GNG5: variants seen among roughly 807,000 people sequenced by gnomAD.
The protein encoded by GNG5 is guanine nucleotide-binding protein G(I)/G(S)/G(O) subunit gamma-5.
A neutral mutation model predicts 6.2 loss-of-function variants in GNG5; 2 were observed. The observed-to-expected ratio is 0.32, with a 90% CI of 0.13 to 1.01. GNG5 has a LOEUF of 1.01. GNG5 is among the 50% of genes least tolerant of loss of function. GNG5 has a pLI of 0.48. For missense variants in GNG5, 57 were observed against 80.2 expected, an observed-to-expected ratio of 0.71 and a Z score of 1.10; for synonymous variants, 24 against 33.0, an observed-to-expected ratio of 0.73 and a Z score of 0.93.
At chr1:84,505,060 T>C (rs1682144462) in intron 2 of GNG5, among the ~76,000 whole-genome samples, 1 of 152,212 alleles carries the variant, frequency 6.6e-6, no homozygotes. Flanking sequence ...CTGGCTGCTT[T>C]TAACAGGGCA....
intron 2 of GNG5, among the ~76,000 whole-genome samples, chr1:84,503,349 C>T (rs183966061): frequency 6.6e-6 from 1 of 152,308 alleles, no homozygotes; most frequent in African/African-American, 2.4e-5. Flanking sequence ...ACCAAGAACC[C>T]CTGCAGATTA....
At chr1:84,502,130 CTCTT>C (rs1243654979) in intron 2 of GNG5, among the ~76,000 whole-genome samples, 160 bp from the exon 3 acceptor site, 5 of 142,786 alleles carry the variant, frequency 3.5e-5, no homozygotes, top group South Asian at 4.3e-4. Flanking sequence ...AAATAGTGAG[CTCTT>C]TTTTTTTTTT....
intron 3 of GNG5, among the ~76,000 whole-genome samples, chr1:84,499,850 T>G (rs892963743): frequency 1.1e-4 from 16 of 152,152 alleles, no homozygotes; most frequent in African/African-American, 3.6e-4. Context: ...GCACGGTGGC[T>G]CACGCCTGTA....
At chr1:84,505,837 C>A (rs370695071) in intron 2 of GNG5, among the ~76,000 whole-genome samples, 174 bp downstream of exon 2, 3 of 152,328 alleles carry the variant, frequency 2.0e-5, no homozygotes, top group South Asian at 4.1e-4. Flanking sequence ...CAGCGTAGAC[C>A]CACGCGGCGC....
intron 3 of GNG5, among the ~76,000 whole-genome samples, chr1:84,499,660 G>A (rs977281161): frequency 3.9e-5 from 6 of 152,184 alleles, no homozygotes; most frequent in East Asian, 1.9e-4. Context: ...GAAAAACGGC[G>A]AATACTGTCA....
intron 2 of GNG5, 32 bp downstream of exon 2, chr1:84,505,959 CCCACCCGCCGCCGCCGCCTT>C: frequency 1.7e-6 from 2 of 1,196,614 alleles, no homozygotes; most frequent in Non-Finnish European, 2.3e-6. Flanking sequence ...GCCGCCGGAT[CCCACCCGCCGCCGCCGCCTT>C]CCTCCCGCCT....
intron 1 of GNG5, 60 bp downstream of exon 1, chr1:84,506,376 C>G (rs6701280): frequency 0.15 from 45,194 of 297,658 alleles, 5,448 homozygotes; most frequent in African/African-American, 0.41. Context: ...CGACCCGACT[C>G]TTAAGTTTTC....
chr1:84,499,339 A>G lies in GNG5; in HGVS notation c.*20-791T>C, dbSNP rs150438664. 2.0e-5 allele frequency among the ~76,000 whole-genome samples: 3 copies of G among 152,338 alleles called. No homozygotes were observed. In the East Asian group the frequency reaches 5.8e-4, roughly 29 times the overall value. The stretch of plus-strand genomic sequence containing the variant: ...ACCTAAAATAGTGACAGAAAAGACT[A>G]AGGTTTGTTAGGACTCAAGGAAAAA... On this transcript the variant is annotated intron_variant, in intron 3 of 3. Transcript: ENST00000370645.
intron 3 of GNG5, among the ~76,000 whole-genome samples, chr1:84,501,414 G>A (rs1249579904): frequency 2.0e-5 from 3 of 152,082 alleles, no homozygotes; most frequent in African/African-American, 7.2e-5. Flanking sequence ...AAATCAGTTG[G>A]TAGTACTTTA....
At chr1:84,500,056 C>T (rs897677997) in intron 3 of GNG5, among the ~76,000 whole-genome samples, 1 of 152,178 alleles carries the variant, frequency 6.6e-6, no homozygotes, top group Non-Finnish European at 1.5e-5. Context: ...TGCGCCACTG[C>T]ACTCCAGTGA....
rs927105867 is a variant in GNG5 at position 84,506,171 on chromosome 1, G to A, written c.-80C>T. ...CGGCGGGGCCAGACAACTCAGCGGC[G>A]CGCGGCGGGGGCGGGGCTCCGAACT... On this transcript the variant is annotated 5_prime_UTR_variant, in exon 2 of 4. Coordinates refer to ENST00000370645, the MANE Select transcript of GNG5 (RefSeq NM_005274.3). 37 of 1,161,690 alleles carry A rather than the reference G, an allele frequency of 3.2e-5. No individual in the cohort carries two copies. The African/African-American group carries it at 5.5e-4, about 17-fold the overall frequency. 72.0% of individuals were successfully genotyped at this position (1,161,690 alleles called of 1,614,324 possible).
chr1:84,504,743 C>CT (rs56049713), intron 2 of GNG5, among the ~76,000 whole-genome samples: 27,428 of 152,106 alleles, frequency 0.18, 2,546 homozygotes, highest in South Asian at 0.31. Context: ...ATTTCAAGGA[C>CT]TGGACGTGAG....
At chr1:84,503,379 ATAAT>A (rs1682097207) in intron 2 of GNG5, among the ~76,000 whole-genome samples, 1 of 152,236 alleles carries the variant, frequency 6.6e-6, no homozygotes, top group African/African-American at 2.4e-5. Context: ...CTCCAACCTA[ATAAT>A]TCTTCATCCT....
At position 84,503,228 on chromosome 1, in the gene GNG5, C is replaced by T. The variant is rs115444359; in HGVS notation, c.82-1258G>A. ...AGATTTAAAAAGTGGGAGAAATACT[C>T]ATTTATTTTATTCTCAGTCTTTATC... is the stretch of plus-strand genomic sequence containing the variant. On this transcript the variant is annotated intron_variant, in intron 2 of 3. Coordinates refer to ENST00000370645, the MANE Select transcript of GNG5 (RefSeq NM_005274.3). Among the ~76,000 whole-genome samples the T allele has an allele frequency of 8.5e-3, 1,293 of 152,308 alleles. 12 individuals carry two copies. Among genetic ancestry groups the T allele is most frequent in the Non-Finnish European group, 0.015 (1,036 of 68,018 alleles).
At chr1:84,501,710 C>T in intron 3 of GNG5, 116 bp downstream of exon 3, 1 of 637,486 alleles carries the variant, frequency 1.6e-6, no homozygotes, top group Non-Finnish European at 2.8e-6. Context: ...CAGAAAAATA[C>T]TGGAAATGGA....
At chr1:84,502,132 CTT>C (rs140132840) in intron 2 of GNG5, among the ~76,000 whole-genome samples, 162 bp from the exon 3 acceptor site, 297 of 102,044 alleles carry the variant, frequency 2.9e-3, no homozygotes, top group Middle Eastern at 0.014. Flanking sequence ...ATAGTGAGCT[CTT>C]TTTTTTTTTT....
intron 2 of GNG5, among the ~76,000 whole-genome samples, chr1:84,502,544 A>T (rs570684327): frequency 6.6e-6 from 1 of 152,308 alleles, no homozygotes; most frequent in South Asian, 2.1e-4. Flanking sequence ...CAAACAGTAG[A>T]ATTATGTTGA....
At chr1:84,499,910 G>A (rs998156675) in intron 3 of GNG5, among the ~76,000 whole-genome samples, 5 of 152,198 alleles carry the variant, frequency 3.3e-5, no homozygotes, top group African/African-American at 4.8e-5. Flanking sequence ...GAGGTCAGGC[G>A]TTCGAGAAAC....
chr1:84,505,934 G>C, intron 2 of GNG5, 77 bp downstream of exon 2: 17 of 886,706 alleles, frequency 1.9e-5, no homozygotes, highest in Non-Finnish European at 9.4e-6. Flanking sequence ...TGTCCCGCCC[G>C]CCCCCGCCAG....
Sources: allele counts gnomAD v4.1 joint callset (sites outside exome capture counted in the v4.1 genomes callset), GRCh38; gene constraint gnomAD v4.1.1; transcripts MANE v1.5; gene names NCBI Gene and HGNC (gene_info 2026-07-23, HGNC 2026-07-21).